Variants in ATP9B observed in about 807,000 individuals in gnomAD.
The protein encoded by ATP9B is ATPase phospholipid transporting 9B, also known as probable phospholipid-transporting ATPase IIB.
Under a neutral mutation model 146.1 loss-of-function variants are expected in ATP9B, and 110 were observed. The ratio of observed to expected loss-of-function variants is 0.75; its 90% CI spans 0.65 to 0.88. ATP9B has a LOEUF of 0.88. ATP9B is among the 40% of genes least tolerant of loss of function. ATP9B has a pLI of 0.00. For synonymous variants in ATP9B, 604 were observed against 569.7 expected (o/e 1.06, Z -0.86); for missense variants, 1,499 against 1,496.4 (o/e 1.00, Z -0.03).
At chr18:79,076,844 C>G (rs1408732019) in intron 1 of ATP9B, among the ~76,000 whole-genome samples, 1 of 152,032 alleles carries the variant, frequency 6.6e-6, no homozygotes, top group Admixed American at 6.6e-5. Flanking sequence ...AGTCCATTTC[C>G]TGTTCATATT....
chr18:79,086,571 A>G (rs2073857622), intron 1 of ATP9B: 1 of 151,864 alleles, frequency 6.6e-6, no homozygotes, highest in Admixed American at 6.6e-5. Context: ...AGTAGGGAAC[A>G]TCACAATTTT....
At chr18:79,326,950 C>T (rs112599865) in intron 15 of ATP9B, among the ~76,000 whole-genome samples, 6 of 152,174 alleles carry the variant, frequency 3.9e-5, no homozygotes, top group East Asian at 1.9e-4. Flanking sequence ...AGTGGTGCCT[C>T]GGCACGGCCA....
chr18:79,075,392 G>A (rs1462433844), intron 1 of ATP9B, among the ~76,000 whole-genome samples: 1 of 152,100 alleles, frequency 6.6e-6, no homozygotes, highest in Non-Finnish European at 1.5e-5. Context: ...GCCTTCTGTC[G>A]GCCTTCCAAA....
intron 13 of ATP9B, among the ~76,000 whole-genome samples, chr18:79,300,438 C>T (rs531100546): frequency 1.8e-4 from 27 of 152,252 alleles, no homozygotes; most frequent in African/African-American, 6.3e-4. Context: ...GAGAGGCCAG[C>T]GGGGCCAGAC....
intron 15 of ATP9B, among the ~76,000 whole-genome samples, chr18:79,325,980 A>G (rs1321738041): frequency 7.7e-6 from 1 of 130,258 alleles, no homozygotes; most frequent in Admixed American, 7.5e-5. Context: ...CTCCCCTCAC[A>G]TGGTGTTAGG....
chr18:79,084,260 C>G (rs2073590010), intron 1 of ATP9B, among the ~76,000 whole-genome samples: 1 of 151,848 alleles, frequency 6.6e-6, no homozygotes, highest in African/African-American at 2.4e-5. Flanking sequence ...CGTTGGGTAC[C>G]CCGGGTATGA....
At chr18:79,316,899 G>A (rs56779967) in intron 15 of ATP9B, among the ~76,000 whole-genome samples, 30,787 of 152,128 alleles carry the variant, frequency 0.2, 3,895 homozygotes, top group East Asian at 0.52. Flanking sequence ...ACAAAACAGC[G>A]AATGTAAACT....
intron 4 of ATP9B, among the ~76,000 whole-genome samples, chr18:79,121,423 T>C (rs1195589935): frequency 6.6e-6 from 1 of 152,166 alleles, no homozygotes; most frequent in African/African-American, 2.4e-5. Context: ...TCTCTGACCT[T>C]GTTGGTACCG....
chr18:79,264,655 C>T (rs2096182288), intron 12 of ATP9B, among the ~76,000 whole-genome samples: 1 of 140,900 alleles, frequency 7.1e-6, no homozygotes, highest in African/African-American at 2.8e-5. Context: ...TTCCTTTGAC[C>T]ACTGTAAGTG....
chr18:79,134,314 G>T (rs537999334), intron 5 of ATP9B, among the ~76,000 whole-genome samples: 7 of 152,064 alleles, frequency 4.6e-5, no homozygotes, highest in Non-Finnish European at 8.8e-5. Context: ...GTTCTGCCTC[G>T]ATTTCTTCCA....
At chr18:79,304,927 A>G (rs917946405) in intron 14 of ATP9B, among the ~76,000 whole-genome samples, 8 of 152,234 alleles carry the variant, frequency 5.3e-5, no homozygotes, top group African/African-American at 1.9e-4. Context: ...ATAGTGATCC[A>G]CATAATAATG....
At chr18:79,087,640 A>G (rs1436626594) in intron 1 of ATP9B, 1 of 152,246 alleles carries the variant, frequency 6.6e-6, no homozygotes, top group Non-Finnish European at 1.5e-5. Flanking sequence ...GTTTCTCATC[A>G]AAATGGAAAC....
intron 1 of ATP9B, among the ~76,000 whole-genome samples, chr18:79,088,884 G>A (rs563394812): frequency 6.6e-6 from 1 of 152,088 alleles, no homozygotes; most frequent in African/African-American, 2.4e-5. Context: ...GTTTATTTAC[G>A]TTACAGAAAT....
intron 13 of ATP9B, among the ~76,000 whole-genome samples, chr18:79,280,924 A>C (rs2096369475): frequency 6.6e-6 from 1 of 152,248 alleles, no homozygotes; most frequent in Non-Finnish European, 1.5e-5. Flanking sequence ...AGAACTAAAT[A>C]ATAATATAAT....
rs1336726007 is a variant in ATP9B, at chr18:79,247,563, C to G, written c.1108-5818C>G. Among the ~76,000 whole-genome samples, 8 of 152,156 alleles carry G rather than the reference C, an allele frequency of 5.3e-5. No individual in the cohort carries two copies. In the East Asian group the frequency reaches 1.5e-3, roughly 29 times the overall value. Reference sequence around the variant, plus strand: ...TCCTTAAAAACATGTTTATATAGGTCGGCGGACAGAGTGACAATCAATATG... The same window carrying G: ...TCCTTAAAAACATGTTTATATAGGTGGGCGGACAGAGTGACAATCAATATG... On this transcript the variant is annotated intron_variant, in intron 11 of 29. Transcript: ENST00000426216.
At chr18:79,215,149 A>AC (rs1476890405) in intron 11 of ATP9B, among the ~76,000 whole-genome samples, 1 of 148,976 alleles carries the variant, frequency 6.7e-6, no homozygotes, top group Non-Finnish European at 1.5e-5. Context: ...TTCTGTCTCA[A>AC]AAAAAAAAAA....
intron 1 of ATP9B, among the ~76,000 whole-genome samples, chr18:79,094,873 G>T (rs531337237): frequency 1.3e-5 from 2 of 152,176 alleles, no homozygotes; most frequent in Non-Finnish European, 2.9e-5. Flanking sequence ...GACAGGTTGT[G>T]ATCAGAAATA....
intron 12 of ATP9B, among the ~76,000 whole-genome samples, chr18:79,266,051 T>C (rs1406071715): frequency 1.3e-5 from 2 of 152,196 alleles, no homozygotes; most frequent in Non-Finnish European, 2.9e-5. Flanking sequence ...TGGTTGTAAG[T>C]GTGCAGTCTT....
chr18:79,136,934 T>G (rs1324957138), intron 5 of ATP9B, among the ~76,000 whole-genome samples: 4 of 152,084 alleles, frequency 2.6e-5, no homozygotes, highest in African/African-American at 9.7e-5. Context: ...TACAAAACCA[T>G]TAGAACGCAC....
Sources: allele counts gnomAD v4.1 joint callset (sites outside exome capture counted in the v4.1 genomes callset), GRCh38; gene constraint gnomAD v4.1.1; transcripts MANE v1.5; gene names NCBI Gene and HGNC (gene_info 2026-07-23, HGNC 2026-07-21).